CAMK2B: variants seen among roughly 807,000 people sequenced by gnomAD.
CAMK2B encodes the protein calcium/calmodulin dependent protein kinase II beta, also known as calcium/calmodulin-dependent protein kinase type II subunit beta.
A neutral mutation model predicts 93.7 loss-of-function variants in CAMK2B; 27 were observed. The observed-to-expected ratio is 0.29, with a 90% confidence interval of 0.21 to 0.40. The LOEUF (loss-of-function observed/expected upper bound fraction) is 0.40. Ranked by LOEUF, CAMK2B falls within the 10% of genes least tolerant of loss-of-function variation. The pLI is 1.00. For synonymous variants in CAMK2B, 374 were observed against 358.8 expected (o/e 1.04, Z -0.48); for missense variants, 568 against 895.8 (o/e 0.63, Z 4.67).
chr7:44,282,756 G>T (rs551562564), intron 2 of CAMK2B, among the ~76,000 whole-genome samples: 3 of 152,358 alleles, frequency 2.0e-5, no homozygotes, highest in African/African-American at 7.2e-5. Context: ...ACAGGTGGCT[G>T]GATCACTGTA....
intron 1 of CAMK2B, among the ~76,000 whole-genome samples, chr7:44,291,793 T>C (rs1029319650): frequency 3.3e-5 from 5 of 152,192 alleles, no homozygotes; most frequent in South Asian, 2.1e-4. Flanking sequence ...GTCATTTCAT[T>C]GCGTTCACTT....
intron 16 of CAMK2B, among the ~76,000 whole-genome samples, chr7:44,231,814 C>T (rs1035873695): frequency 1.3e-5 from 2 of 152,230 alleles, no homozygotes; most frequent in African/African-American, 4.8e-5. Flanking sequence ...AAGACCATCC[C>T]CCAGGTCCCC....
intron 1 of CAMK2B, among the ~76,000 whole-genome samples, chr7:44,321,806 C>T (rs1796149233): frequency 6.6e-6 from 1 of 152,200 alleles, no homozygotes; most frequent in Non-Finnish European, 1.5e-5. Flanking sequence ...TCCTACCCAA[C>T]AAACGGTCGA....
chr7:44,321,509 A>C (rs1465157996), intron 1 of CAMK2B, among the ~76,000 whole-genome samples: 3 of 152,124 alleles, frequency 2.0e-5, no homozygotes, highest in Non-Finnish European at 4.4e-5. Context: ...TCTTTCCTGA[A>C]CTTCGGTTCT....
chr7:44,253,202 TTTTTTTTTTTTGG>T (rs1256144834), intron 5 of CAMK2B, among the ~76,000 whole-genome samples: 3 of 144,482 alleles, frequency 2.1e-5, no homozygotes, highest in African/African-American at 7.9e-5. Context: ...TTAAAAAGAG[TTTTTTTTTTTTGG>T]TTTTTTTTTT....
intron 13 of CAMK2B, among the ~76,000 whole-genome samples, chr7:44,238,194 G>A (rs1021583308): frequency 6.6e-6 from 1 of 152,176 alleles, no homozygotes; most frequent in Non-Finnish European, 1.5e-5. Context: ...GGTCACCCAG[G>A]ACAGCCATGC....
rs551225498 is a variant in CAMK2B at position 44,232,697 on chromosome 7, C to T, written c.1176+125G>A. 23 of 790,432 alleles carry T rather than the reference C, an allele frequency of 2.9e-5. No individual in the cohort carries two copies. The African/African-American group carries it at 3.5e-4, about 12-fold the overall frequency. The allele number at this position is 790,432 out of a possible 1,614,324, so 49.0% of individuals were successfully genotyped here. A position where few individuals can be genotyped will look rare whatever the true frequency, so the allele number is the denominator to read the frequency against. On this transcript the variant is annotated intron_variant, in intron 16 of 23. Coordinates refer to ENST00000395749, the MANE Select transcript of CAMK2B (RefSeq NM_001220.5). ...GACGGACTGGGGCCCTACCGTACTG[C>T]GGGGAGGGGCGGCCAGGGCATGGGA...
chr7:44,313,140 C>T (rs906164368), intron 1 of CAMK2B, among the ~76,000 whole-genome samples: 1 of 152,094 alleles, frequency 6.6e-6, no homozygotes, highest in African/African-American at 2.4e-5. Context: ...TCCCAGCACC[C>T]AGCCCAGCCT....
intron 4 of CAMK2B, among the ~76,000 whole-genome samples, chr7:44,256,280 C>T (rs995190124): frequency 3.9e-5 from 6 of 152,226 alleles, no homozygotes; most frequent in Non-Finnish European, 7.3e-5. Flanking sequence ...TGTGTGTGCA[C>T]GTGTTCACAT....
chr7:44,248,735 AT>A lies in CAMK2B; in HGVS notation c.342-1544del, dbSNP rs2096753692. Among the ~76,000 whole-genome samples, 1 of 152,202 alleles carries A rather than the reference AT, an allele frequency of 6.6e-6. No homozygotes were observed. Among genetic ancestry groups the A allele is most frequent in the South Asian group, 2.1e-4 (1 of 4,828 alleles). On this transcript the variant is annotated intron_variant, in intron 5 of 23. Coordinates refer to ENST00000395749, the MANE Select transcript of CAMK2B (RefSeq NM_001220.5). This position sits in a 1 kb window ranked among gnomAD's most constrained non-coding sequence, Gnocchi z 4.1. ...AATAGCTCCCACCCGTCTTGGTCCCATCTGTACAGCGTCAGCCATTGCATTA... is the reference window on the plus strand; with the variant it reads ...AATAGCTCCCACCCGTCTTGGTCCCACTGTACAGCGTCAGCCATTGCATTA...
At chr7:44,288,661 GTCCT>G (rs1383281232) in intron 1 of CAMK2B, among the ~76,000 whole-genome samples, 4 of 152,156 alleles carry the variant, frequency 2.6e-5, no homozygotes, top group Non-Finnish European at 5.9e-5. Flanking sequence ...TACTCTTTGA[GTCCT>G]TGCTTTGTGG....
intron 3 of CAMK2B, among the ~76,000 whole-genome samples, chr7:44,260,950 C>T (rs148921647): frequency 5.9e-5 from 9 of 152,318 alleles, no homozygotes; most frequent in East Asian, 5.8e-4. Context: ...TGTGAGCCGA[C>T]GCTGGCCTCT....
intron 6 of CAMK2B, among the ~76,000 whole-genome samples, chr7:44,244,493 G>A (rs1384824405): frequency 3.6e-4 from 1 of 2,760 alleles, no homozygotes; most frequent in Admixed American, 4.3e-3. Context: ...GGCTCCCTGG[G>A]GCCCTCGGGT....
At chr7:44,319,044 T>C (rs1358049421) in intron 1 of CAMK2B, among the ~76,000 whole-genome samples, 1 of 152,236 alleles carries the variant, frequency 6.6e-6, no homozygotes, top group Non-Finnish European at 1.5e-5. Context: ...ATCTGTGTAA[T>C]ATGCCAATAT....
chr7:44,255,093 A>C (rs1368602990), intron 4 of CAMK2B, among the ~76,000 whole-genome samples: 1 of 151,986 alleles, frequency 6.6e-6, no homozygotes, highest in East Asian at 2.0e-4. Flanking sequence ...TTAGGGCCAG[A>C]GTGGTGGCCC....
intron 1 of CAMK2B, among the ~76,000 whole-genome samples, chr7:44,285,270 C>A (rs1012635402): frequency 1.3e-5 from 2 of 152,230 alleles, no homozygotes; most frequent in Non-Finnish European, 2.9e-5. Flanking sequence ...GGGGCCTGGT[C>A]AAGAAATGTC....
intron 4 of CAMK2B, among the ~76,000 whole-genome samples, chr7:44,257,008 C>T (rs1369359017): frequency 6.6e-6 from 1 of 152,198 alleles, no homozygotes; most frequent in Non-Finnish European, 1.5e-5. Flanking sequence ...GGACACATGG[C>T]TGATTCTTGG....
chr7:44,252,450 G>A (rs1446170778), intron 5 of CAMK2B, among the ~76,000 whole-genome samples: 1 of 151,222 alleles, frequency 6.6e-6, no homozygotes, highest in East Asian at 2.0e-4. Context: ...AGGAGAGGGT[G>A]CAGCACAGAG....
At chr7:44,226,469 A>G in intron 20 of CAMK2B, 47 bp downstream of exon 20, 4 of 1,359,114 alleles carry the variant, frequency 2.9e-6, no homozygotes, top group Non-Finnish European at 3.8e-6. Flanking sequence ...GCACGCCCCG[A>G]GCCCCTCCGG....
Sources: gnomAD v4.1 joint callset for allele counts (sites outside exome capture counted in the v4.1 genomes callset) on GRCh38, gnomAD v4.1.1 for gene constraint, Gnocchi (gnomAD v3.1) non-coding constraint, MANE v1.5 for transcripts, NCBI Gene and HGNC (gene_info 2026-07-23, HGNC 2026-07-21) for gene names.